LDLRAD3: variants seen among roughly 807,000 people sequenced by gnomAD.
The protein encoded by LDLRAD3 is low-density lipoprotein receptor class A domain-containing protein 3.
Under a neutral mutation model 29.4 loss-of-function variants are expected in LDLRAD3, and 20 were observed. The ratio of observed to expected loss-of-function variants is 0.68; its 90% CI spans 0.48 to 0.99. The LOEUF is 0.99. Among genes scored for constraint, LDLRAD3 ranks in the 50% least tolerant of loss-of-function variants. The pLI, the probability that LDLRAD3 is intolerant of heterozygous loss-of-function variation, is 0.00. For missense variants in LDLRAD3, 420 were observed against 454.3 expected, an observed-to-expected ratio of 0.92 and a Z score of 0.69; for synonymous variants, 157 against 192.7, an observed-to-expected ratio of 0.81 and a Z score of 1.53.
Position 36,231,748 on chromosome 11 carries a change from G to A in LDLRAD3, c.*2351G>A, listed in dbSNP as rs938521806. 1 of 151,770 alleles carries A rather than the reference G, an allele frequency of 6.6e-6. No individual in the cohort carries two copies. Among genetic ancestry groups the A allele is most frequent in the Non-Finnish European group, 1.5e-5 (1 of 67,946 alleles). The allele number at this position is 151,770 out of a possible 1,614,324, so 9.4% of individuals were successfully genotyped here. On this transcript the variant is annotated 3_prime_UTR_variant, in exon 6 of 6. Transcript: ENST00000315571. Reference sequence around the variant, plus strand: ...ACACCAAAGCGGCAGGGTTTTTTTGGGGGGGAGGGGGTTTGTTTTCCAACT... The same window carrying A: ...ACACCAAAGCGGCAGGGTTTTTTTGAGGGGGAGGGGGTTTGTTTTCCAACT...
chr11:36,112,424 A>G (rs1169708101), intron 4 of LDLRAD3, among the ~76,000 whole-genome samples: 1 of 152,212 alleles, frequency 6.6e-6, no homozygotes, highest in Admixed American at 6.5e-5. Flanking sequence ...TGAATTCCCC[A>G]TATATCCAGA....
At chr11:35,945,203 C>G (rs1316583747) in intron 1 of LDLRAD3, among the ~76,000 whole-genome samples, 5 of 152,202 alleles carry the variant, frequency 3.3e-5, no homozygotes, top group Non-Finnish European at 5.9e-5. Flanking sequence ...CCAAGTGCTT[C>G]TAGCAGCTTG....
At position 36,006,353 on chromosome 11, in the gene LDLRAD3, G is replaced by A. The variant is rs568439155; in HGVS notation, c.47-29750G>A. 2.6e-5 allele frequency among the ~76,000 whole-genome samples: 4 copies of A among 152,308 alleles called. No individual in the cohort carries two copies. The South Asian group carries it at 6.2e-4, about 24-fold the overall frequency. The stretch of plus-strand genomic sequence containing the variant: ...ATGCTCTTGACTTTTCCCAGCCTTG[G>A]TTTCCTTAAGGGTGCAGTCAAGGGG... On this transcript the variant is annotated intron_variant, in intron 1 of 5. Transcript: ENST00000315571.
intron 4 of LDLRAD3, among the ~76,000 whole-genome samples, chr11:36,115,428 C>G (rs1395240517): frequency 6.6e-6 from 1 of 152,152 alleles, no homozygotes; most frequent in African/African-American, 2.4e-5. Context: ...ATAGTAGGTA[C>G]CCATTTTCAG....
At chr11:35,985,157 C>T (rs934842530) in intron 1 of LDLRAD3, among the ~76,000 whole-genome samples, 2 of 152,136 alleles carry the variant, frequency 1.3e-5, no homozygotes, top group African/African-American at 2.4e-5. Flanking sequence ...TCTCGAACTC[C>T]TGGCTTCACG....
chr11:35,990,046 G>T (rs1023327232), intron 1 of LDLRAD3, among the ~76,000 whole-genome samples: 1 of 152,126 alleles, frequency 6.6e-6, no homozygotes, highest in African/African-American at 2.4e-5. Flanking sequence ...CAGCCTAGGG[G>T]CCTGATTCCT....
At chr11:36,160,771 G>A (rs1343339968) in intron 4 of LDLRAD3, among the ~76,000 whole-genome samples, 2 of 152,176 alleles carry the variant, frequency 1.3e-5, no homozygotes, top group Non-Finnish European at 2.9e-5. Flanking sequence ...GACTTAGTGA[G>A]AACTCGAAAT....
intron 1 of LDLRAD3, among the ~76,000 whole-genome samples, chr11:35,989,532 T>C (rs1468836989): frequency 6.6e-6 from 1 of 152,194 alleles, no homozygotes; most frequent in Non-Finnish European, 1.5e-5. Context: ...TGTTTGTTTG[T>C]GTCTATGATA....
chr11:36,132,152 G>A (rs1853935449), intron 4 of LDLRAD3, among the ~76,000 whole-genome samples: 1 of 152,104 alleles, frequency 6.6e-6, no homozygotes, highest in African/African-American at 2.4e-5. Flanking sequence ...AGTTCAGACA[G>A]GGTGAGATTA....
At chr11:36,103,685 C>G (rs951769997) in intron 4 of LDLRAD3, among the ~76,000 whole-genome samples, 5 of 152,170 alleles carry the variant, frequency 3.3e-5, no homozygotes, top group African/African-American at 1.2e-4. Flanking sequence ...CACGCCCATC[C>G]CAGTGTTTTA....
chr11:36,068,854 C>A (rs1852843745), intron 2 of LDLRAD3, among the ~76,000 whole-genome samples: 1 of 152,124 alleles, frequency 6.6e-6, no homozygotes, highest in Admixed American at 6.5e-5. Flanking sequence ...GTCCTTCTGA[C>A]CTCTTAACCC....
intron 4 of LDLRAD3, among the ~76,000 whole-genome samples, chr11:36,149,467 G>T (rs1006366555): frequency 9.9e-5 from 15 of 152,180 alleles, no homozygotes; most frequent in Admixed American, 3.3e-4. Context: ...AACTTGGAAG[G>T]CCCCAGAAAG....
chr11:36,002,769 C>T (rs1014447881), intron 1 of LDLRAD3, among the ~76,000 whole-genome samples: 1 of 152,124 alleles, frequency 6.6e-6, no homozygotes, highest in Non-Finnish European at 1.5e-5. Flanking sequence ...GAGAAGGGCC[C>T]CTTTGGCACA....
intron 4 of LDLRAD3, among the ~76,000 whole-genome samples, chr11:36,215,535 C>T (rs1238929110): frequency 1.3e-5 from 2 of 152,112 alleles, no homozygotes; most frequent in Non-Finnish European, 2.9e-5. Flanking sequence ...TCGGATATGT[C>T]TTGTGCTCCC....
chr11:35,960,628 G>C (rs889772811), intron 1 of LDLRAD3, among the ~76,000 whole-genome samples: 2 of 152,076 alleles, frequency 1.3e-5, no homozygotes, highest in African/African-American at 4.8e-5. Flanking sequence ...ACAGAGTCTC[G>C]CTCTGTCGCC....
chr11:36,180,745 AG>A (rs1029934098), intron 4 of LDLRAD3, among the ~76,000 whole-genome samples: 1 of 147,424 alleles, frequency 6.8e-6, no homozygotes, highest in African/African-American at 2.5e-5. Context: ...GGCTGTAATA[AG>A]GGGTAGGTGG....
chr11:36,130,361 T>C (rs114701104), intron 4 of LDLRAD3, among the ~76,000 whole-genome samples: 3,393 of 152,218 alleles, frequency 0.022, 122 homozygotes, highest in African/African-American at 0.078. Flanking sequence ...GTGCAGAGGC[T>C]TGTCTGGATG....
Position 36,081,719 on chromosome 11 carries a change from G to A in LDLRAD3, c.260G>A (p.Gly87Asp), listed in dbSNP as rs773189422. The change falls in exon 3 of 6, where the codon GGT becomes GAT. Residue 87 changes from glycine to aspartate, a missense_variant. Gly to Asp is a moderately conservative substitution (Grantham distance 94). Coordinates refer to ENST00000315571, the MANE Select transcript of LDLRAD3 (RefSeq NM_174902.4). ...PCASGIHCIIGRFRCNGFEDC... is the reference protein window; with the variant it reads ...PCASGIHCIIDRFRCNGFEDC... ...GCCAGCGGCATCCATTGCATCATTGGTCGCTTCCGGTGCAATGGGTTTGAG... is the reference window on the plus strand; with the variant it reads ...GCCAGCGGCATCCATTGCATCATTGATCGCTTCCGGTGCAATGGGTTTGAG... 14 of 1,614,084 alleles carry A rather than the reference G, an allele frequency of 8.7e-6. No individual in the cohort carries two copies. The African/African-American group carries it at 1.3e-4, about 15-fold the overall frequency.
At chr11:36,074,162 A>G (rs908775159) in intron 2 of LDLRAD3, among the ~76,000 whole-genome samples, 3 of 152,230 alleles carry the variant, frequency 2.0e-5, no homozygotes, top group Non-Finnish European at 4.4e-5. Context: ...CACATGGTGT[A>G]GGCACTGTAT....
Sources: gnomAD v4.1 joint callset for allele counts (sites outside exome capture counted in the v4.1 genomes callset) on GRCh38, gnomAD v4.1.1 for gene constraint, MANE v1.5 for transcripts, NCBI Gene and HGNC (gene_info 2026-07-23, HGNC 2026-07-21) for gene names.